Variants in EXT1 observed in about 807,000 individuals in gnomAD.
EXT1 encodes the protein exostosin-1.
EXT1 carries 20 observed loss-of-function variants against 82.5 expected under a neutral mutation model. The ratio of observed to expected loss-of-function variants is 0.24; its 90% confidence interval spans 0.17 to 0.35. The LOEUF (loss-of-function observed/expected upper bound fraction) is 0.35, where lower values mean the gene tolerates loss of function less well. Among genes scored for constraint, EXT1 ranks in the 10% least tolerant of loss-of-function variants. EXT1 has a pLI of 1.00. For missense variants in EXT1, 757 were observed against 936.5 expected, an observed-to-expected ratio of 0.81 and a Z score of 2.50; for synonymous variants, 348 against 350.8, an observed-to-expected ratio of 0.99 and a Z score of 0.09.
intron 1 of EXT1, among the ~76,000 whole-genome samples, chr8:118,059,101 C>T (rs952746326): frequency 2.0e-5 from 3 of 152,226 alleles, no homozygotes; most frequent in Non-Finnish European, 4.4e-5. Context: ...AACAGAAATA[C>T]ACCTACTTTG....
rs10107623 is a variant in EXT1 at position 117,822,245 on chromosome 8, A to C, written c.1417+220T>G. On this transcript the variant is annotated intron_variant, in intron 5 of 10. Coordinates refer to ENST00000378204, the MANE Select transcript of EXT1 (RefSeq NM_000127.3). ...AAAGAAATAACTCTACTAAATATGA[A>C]GTAGAGCTGCACAGATAAGAAGTTT... Among the ~76,000 whole-genome samples, 13,599 of 152,224 alleles carry C rather than the reference A, an allele frequency of 0.089. 766 individuals are homozygous for C. The highest frequency in any genetic ancestry group is 0.16 in the African/African-American group (6,754 of 41,536).
Position 117,910,034 on chromosome 8 carries a change from T to C in EXT1, c.963-72833A>G, listed in dbSNP as rs927569559. 2.0e-5 allele frequency among the ~76,000 whole-genome samples: 3 copies of C among 152,256 alleles called. No homozygotes were observed. In the East Asian group the frequency reaches 5.8e-4, roughly 29 times the overall value. On this transcript the variant is annotated intron_variant, in intron 1 of 10. Coordinates refer to ENST00000378204, the MANE Select transcript of EXT1 (RefSeq NM_000127.3). Reference sequence around the variant, plus strand: ...CCACCCGTGCCGGCCTCCCAAAGCGTTGGGATTACAGGCATAAGCCACCGC... The same window carrying C: ...CCACCCGTGCCGGCCTCCCAAAGCGCTGGGATTACAGGCATAAGCCACCGC...
At chr8:117,893,931 C>T (rs1468764856) in intron 1 of EXT1, among the ~76,000 whole-genome samples, 1 of 152,182 alleles carries the variant, frequency 6.6e-6, no homozygotes, top group Non-Finnish European at 1.5e-5. Context: ...TCTCACCATT[C>T]CCCAGGTGAG....
intron 1 of EXT1, among the ~76,000 whole-genome samples, chr8:117,927,976 A>G (rs192988547): frequency 1.3e-3 from 195 of 152,366 alleles, no homozygotes; most frequent in African/African-American, 4.4e-3. Context: ...TAAATGAGAA[A>G]CCTTGGAGGC....
intron 1 of EXT1, among the ~76,000 whole-genome samples, chr8:118,044,003 C>T (rs1196221858): frequency 6.6e-6 from 1 of 152,188 alleles, no homozygotes; most frequent in African/African-American, 2.4e-5. Context: ...TACATCAGCT[C>T]ATTGTGTAGA....
At chr8:117,929,277 A>G (rs1431626964) in intron 1 of EXT1, among the ~76,000 whole-genome samples, 1 of 152,210 alleles carries the variant, frequency 6.6e-6, no homozygotes, top group Non-Finnish European at 1.5e-5. Context: ...AACTAACATG[A>G]GCTCAAAAAA....
intron 1 of EXT1, among the ~76,000 whole-genome samples, chr8:118,010,060 C>T (rs958766301): frequency 2.0e-5 from 3 of 152,134 alleles, no homozygotes; most frequent in Non-Finnish European, 4.4e-5. Flanking sequence ...CCATCAGTGT[C>T]TTCATTTGCC....
chr8:118,034,480 G>T (rs1816385056), intron 1 of EXT1, among the ~76,000 whole-genome samples: 1 of 151,934 alleles, frequency 6.6e-6, no homozygotes, highest in Non-Finnish European at 1.5e-5. Flanking sequence ...GCTCTGGAAT[G>T]TGAGCTGCTT....
intron 8 of EXT1, among the ~76,000 whole-genome samples, chr8:117,809,239 ATATAT>A (rs1823283009): frequency 7.3e-6 from 1 of 136,900 alleles, no homozygotes; most frequent in African/African-American, 2.6e-5. Flanking sequence ...ATATATATAT[ATATAT>A]TATGTTCTAT....
Position 117,858,639 on chromosome 8 carries a change from T to C in EXT1, c.963-21438A>G, listed in dbSNP as rs112429319. Among the ~76,000 whole-genome samples the C allele has an allele frequency of 3.2e-3, 476 of 148,966 alleles. 4 individuals are homozygous for C. Among genetic ancestry groups the C allele is most frequent in the African/African-American group, 0.011 (444 of 40,180 alleles). ...GTTGCAGTGAGCTGAGATTGTGCCA[T>C]TGCGCTCCAGCCTGGGTGACAGGGC... On this transcript the variant is annotated intron_variant, in intron 1 of 10. Transcript: ENST00000378204.
intron 1 of EXT1, among the ~76,000 whole-genome samples, chr8:118,009,797 T>C (rs1454253443): frequency 6.6e-6 from 1 of 152,198 alleles, no homozygotes; most frequent in Non-Finnish European, 1.5e-5. Flanking sequence ...AGTTTCATCC[T>C]GAAACCATCC....
chr8:117,858,325 T>A (rs1412384270), intron 1 of EXT1, among the ~76,000 whole-genome samples: 1 of 152,146 alleles, frequency 6.6e-6, no homozygotes, highest in East Asian at 1.9e-4. Context: ...CAGAGAAGTC[T>A]CTCATGAAAG....
chr8:117,992,186 C>T (rs1815448252), intron 1 of EXT1, among the ~76,000 whole-genome samples: 1 of 152,070 alleles, frequency 6.6e-6, no homozygotes, highest in Admixed American at 6.6e-5. Flanking sequence ...CACTTCACTT[C>T]ATCTCAATGT....
chr8:117,893,387 C>G (rs1246522041), intron 1 of EXT1, among the ~76,000 whole-genome samples: 1 of 152,218 alleles, frequency 6.6e-6, no homozygotes, highest in Admixed American at 6.5e-5. Context: ...AAAAGCCACA[C>G]TGTTAATACC....
At chr8:117,898,326 G>A (rs1051838676) in intron 1 of EXT1, among the ~76,000 whole-genome samples, 26 of 152,202 alleles carry the variant, frequency 1.7e-4, no homozygotes, top group Non-Finnish European at 2.9e-4. Flanking sequence ...CCTGTGGGCT[G>A]GCTGGCACAC....
At chr8:118,093,044 C>T (rs543471576) in intron 1 of EXT1, among the ~76,000 whole-genome samples, 1 of 152,186 alleles carries the variant, frequency 6.6e-6, no homozygotes, top group East Asian at 1.9e-4. Flanking sequence ...TAAAGGAGTT[C>T]ATTGGAAATG....
intron 1 of EXT1, among the ~76,000 whole-genome samples, chr8:118,074,045 G>A (rs906135167): frequency 2.6e-5 from 4 of 151,764 alleles, no homozygotes; most frequent in South Asian, 2.1e-4. Context: ...GCACAAGAGC[G>A]GACAAAGAAT....
intron 1 of EXT1, among the ~76,000 whole-genome samples, chr8:117,913,465 C>T (rs1028872913): frequency 1.3e-5 from 2 of 152,120 alleles, no homozygotes; most frequent in African/African-American, 4.8e-5. Context: ...TTTTTTAAAC[C>T]ATGTGGAGAA....
chr8:117,989,216 C>A (rs1194310395), intron 1 of EXT1, among the ~76,000 whole-genome samples: 1 of 152,066 alleles, frequency 6.6e-6, no homozygotes, highest in Admixed American at 6.6e-5. Flanking sequence ...TTGGCTCTAG[C>A]TCTAAAATAC....
Sources: gnomAD v4.1 joint callset for allele counts (sites outside exome capture counted in the v4.1 genomes callset) on GRCh38, gnomAD v4.1.1 for gene constraint, MANE v1.5 for transcripts, NCBI Gene and HGNC (gene_info 2026-07-23, HGNC 2026-07-21) for gene names.